ECT2: variants seen among roughly 807,000 people sequenced by gnomAD.
ECT2 encodes the protein protein ECT2.
Under a neutral mutation model 116.9 loss-of-function variants are expected in ECT2, and 61 were observed. The ratio of observed to expected loss-of-function variants is 0.52; its 90% confidence interval spans 0.42 to 0.65. The LOEUF (loss-of-function observed/expected upper bound fraction) is 0.65, where lower values mean the gene tolerates loss of function less well. Ranked by LOEUF, ECT2 falls within the 30% of genes least tolerant of loss-of-function variation. The pLI, the probability that ECT2 is intolerant of heterozygous loss-of-function variation, is 0.00. For synonymous variants in ECT2, 358 were observed against 346.4 expected, an observed-to-expected ratio of 1.03 and a Z score of -0.37; for missense variants, 937 against 1,078.7, an observed-to-expected ratio of 0.87 and a Z score of 1.84.
chr3:172,819,586 T>G (rs1730390548), intron 24 of ECT2, among the ~76,000 whole-genome samples: 1 of 152,034 alleles, frequency 6.6e-6, no homozygotes. Flanking sequence ...CCTTAAGCAA[T>G]CCTCCCACAT....
intron 1 of ECT2, among the ~76,000 whole-genome samples, chr3:172,752,852 A>G (rs1044828148): frequency 6.6e-6 from 1 of 152,222 alleles, no homozygotes; most frequent in Non-Finnish European, 1.5e-5. Flanking sequence ...GACTATGTGC[A>G]GGGCTGAGAC....
At chr3:172,784,168 G>T (rs1723207168) in intron 16 of ECT2, among the ~76,000 whole-genome samples, 1 of 151,640 alleles carries the variant, frequency 6.6e-6, no homozygotes, top group South Asian at 2.1e-4. Flanking sequence ...GTGGCCGGGT[G>T]CACCGGCCAA....
intron 22 of ECT2, among the ~76,000 whole-genome samples, chr3:172,812,116 T>C (rs1326985965): frequency 6.6e-6 from 1 of 152,024 alleles, no homozygotes; most frequent in African/African-American, 2.4e-5. Context: ...CTTGAGTAGC[T>C]GGGATTGCAG....
intron 14 of ECT2, among the ~76,000 whole-genome samples, chr3:172,780,898 T>A (rs978912848): frequency 6.6e-6 from 1 of 152,156 alleles, no homozygotes; most frequent in African/African-American, 2.4e-5. Context: ...TGGATTGTCT[T>A]CTTGAGTTGT....
At chr3:172,828,510 G>A in the ECT2 span, among the ~76,000 whole-genome samples, 1 of 152,026 alleles carries the variant, frequency 6.6e-6, no homozygotes, top group Non-Finnish European at 1.5e-5. Flanking sequence ...AAACAGTGCA[G>A]TGCTGGAAGT....
At chr3:172,828,921 C>T in the ECT2 span, 3 of 1,459,478 alleles carry the variant, frequency 2.1e-6, no homozygotes, top group South Asian at 1.2e-5. Context: ...ATTCCAATGC[C>T]AGTCCCTGAA....
chr3:172,814,666 A>T (rs1299143815), intron 22 of ECT2, among the ~76,000 whole-genome samples: 1 of 152,108 alleles, frequency 6.6e-6, no homozygotes, highest in East Asian at 1.9e-4. Flanking sequence ...ATTTTTAAAA[A>T]TTTATTTTTA....
chr3:172,754,461 G>GC, intron 1 of ECT2, 48 bp from the exon 2 acceptor site: 1 of 1,358,830 alleles, frequency 7.4e-7, no homozygotes, highest in Non-Finnish European at 9.9e-7. Flanking sequence ...ACTTACTTTT[G>GC]CCCAATGACC....
At chr3:172,809,527 C>T (rs901631069) in intron 22 of ECT2, among the ~76,000 whole-genome samples, 14 of 150,988 alleles carry the variant, frequency 9.3e-5, no homozygotes, top group Non-Finnish European at 1.8e-4. Context: ...GTTTATAAAG[C>T]CCTGAGAATT....
chr3:172,763,212 A>G (rs1048550483), intron 11 of ECT2, among the ~76,000 whole-genome samples: 1 of 152,252 alleles, frequency 6.6e-6, no homozygotes, highest in Non-Finnish European at 1.5e-5. Context: ...GAACAAGAAC[A>G]TCTCTATCTT....
intron 24 of ECT2, among the ~76,000 whole-genome samples, chr3:172,819,008 T>A (rs1187082404): frequency 2.0e-5 from 3 of 152,140 alleles, no homozygotes; most frequent in Admixed American, 2.0e-4. Flanking sequence ...AGAAATTTTC[T>A]TATTTAGGAA....
chr3:172,820,593 T>G lies in ECT2; in HGVS notation c.*356T>G, dbSNP rs1730566199. ...AAATACTGCTGTGAATCTATTTGTA[T>G]AGTATCCATGAATGAATTTATGGAA... On this transcript the variant is annotated 3_prime_UTR_variant, in exon 25 of 25. Transcript: ENST00000392692. 1 of 162,314 alleles carries G rather than the reference T, an allele frequency of 6.2e-6. No homozygotes were observed. The highest frequency in any genetic ancestry group is 6.3e-5 in the Admixed American group (1 of 15,768). 10.1% of individuals were successfully genotyped at this position (162,314 alleles called of 1,614,324 possible).
intron 14 of ECT2, among the ~76,000 whole-genome samples, chr3:172,775,216 A>G (rs1261722281): frequency 6.6e-6 from 1 of 152,252 alleles, no homozygotes; most frequent in African/African-American, 2.4e-5. Flanking sequence ...AAAGTTGATC[A>G]GTTTTCTTTT....
intron 1 of ECT2, among the ~76,000 whole-genome samples, chr3:172,752,764 C>G (rs1014243895): frequency 6.6e-6 from 1 of 152,156 alleles, no homozygotes; most frequent in African/African-American, 2.4e-5. Context: ...TTTAAGACAT[C>G]TATTCAGTTT....
intron 20 of ECT2, 39 bp from the exon 21 acceptor site, chr3:172,805,692 C>T (rs1727551120): frequency 1.2e-5 from 19 of 1,590,332 alleles, no homozygotes; most frequent in Non-Finnish European, 1.5e-5. Context: ...CCTTTTTCTT[C>T]ATTTTATTGA....
intron 3 of ECT2, 46 bp from the exon 4 acceptor site, chr3:172,755,437 A>T: frequency 6.5e-7 from 1 of 1,528,484 alleles, no homozygotes; most frequent in Non-Finnish European, 8.9e-7. Context: ...GTGTGTAAAT[A>T]GTTTCATAGC....
At chr3:172,779,792 C>G (rs1384837554) in intron 14 of ECT2, among the ~76,000 whole-genome samples, 3 of 151,524 alleles carry the variant, frequency 2.0e-5, no homozygotes, top group Non-Finnish European at 4.4e-5. Flanking sequence ...GTCCCAGCTA[C>G]TTGGGAAGCT....
chr3:172,757,771 C>T (rs975476993), intron 5 of ECT2, among the ~76,000 whole-genome samples: 13 of 152,034 alleles, frequency 8.6e-5, no homozygotes, highest in African/African-American at 2.9e-4. Flanking sequence ...AACTTGGGTT[C>T]CAGAAATTCA....
At chr3:172,762,324 GA>G in intron 8 of ECT2, 91 bp from the exon 9 acceptor site, 2 of 1,318,514 alleles carry the variant, frequency 1.5e-6, no homozygotes, top group Admixed American at 4.9e-5. Context: ...ATTATGCCAA[GA>G]CCTTGAAAAT....
Sources: allele counts gnomAD v4.1 joint callset (sites outside exome capture counted in the v4.1 genomes callset), GRCh38; gene constraint gnomAD v4.1.1; transcripts MANE v1.5; gene names NCBI Gene and HGNC (gene_info 2026-07-23, HGNC 2026-07-21).